Variants in PCDHA2 observed in about 807,000 individuals in gnomAD.
PCDHA2 encodes the protein protocadherin alpha 2.
A neutral mutation model predicts 66.0 loss-of-function variants in PCDHA2; 58 were observed. The observed-to-expected ratio is 0.88, with a 90% CI of 0.71 to 1.09. The LOEUF is 1.09. Ranked by LOEUF, PCDHA2 falls within the 50% of genes least tolerant of loss-of-function variation. The pLI is 0.00. For missense variants in PCDHA2, 1,267 were observed against 1,242.3 expected, an observed-to-expected ratio of 1.02 and a Z score of -0.30; for synonymous variants, 634 against 554.0, an observed-to-expected ratio of 1.14 and a Z score of -2.03.
Position 140,845,338 on chromosome 5 carries a change from C to T in PCDHA2, c.2388+47986C>T, listed in dbSNP as rs1446184837. Among the ~76,000 whole-genome samples the T allele has an allele frequency of 1.2e-4, 18 of 149,418 alleles. 2 individuals carry two copies. The highest frequency in any genetic ancestry group is 4.4e-4 in the African/African-American group (18 of 40,812). ...GTATTACTTTAATTACTGAATTCTCCTAAACATTTAATTGACTTTTACAAA... is the reference window on the plus strand; with the variant it reads ...GTATTACTTTAATTACTGAATTCTCTTAAACATTTAATTGACTTTTACAAA... On this transcript the variant is annotated intron_variant, in intron 1 of 3. Coordinates refer to ENST00000526136, the MANE Select transcript of PCDHA2 (RefSeq NM_018905.3).
chr5:140,984,945 C>CT (rs113297104), intron 3 of PCDHA2, among the ~76,000 whole-genome samples: 99 of 149,274 alleles, frequency 6.6e-4, no homozygotes, highest in Non-Finnish European at 1.1e-3. Context: ...AATGTCTAAT[C>CT]TTTTTTTTTT....
rs782103936 is a variant in PCDHA2 at position 140,808,598 on chromosome 5, G to A, written c.2388+11246G>A. 3.4e-5 allele frequency: 55 copies of A among 1,613,794 alleles called. No individual in the cohort carries two copies. In the East Asian group the frequency reaches 1.2e-3, roughly 35 times the overall value. ...GTTCGTGAAGGAGAACAACCCGCCGGGCTGCCACATCTTCACTGTGTCTGC... is the reference window on the plus strand; with the variant it reads ...GTTCGTGAAGGAGAACAACCCGCCGAGCTGCCACATCTTCACTGTGTCTGC... On this transcript the variant is annotated intron_variant, in intron 1 of 3. Coordinates refer to ENST00000526136, the MANE Select transcript of PCDHA2 (RefSeq NM_018905.3).
chr5:140,936,987 T>A (rs996790487), intron 1 of PCDHA2, among the ~76,000 whole-genome samples: 1 of 152,170 alleles, frequency 6.6e-6, no homozygotes, highest in Non-Finnish European at 1.5e-5. Flanking sequence ...CTTGTTAACA[T>A]TGACAATATT....
rs1012749061 is a variant in PCDHA2 at position 141,011,525 on chromosome 5, C to T, written c.*1588C>T. Reference sequence around the variant, plus strand: ...AAAAGTGGAGTAGTGTTTTTTTAACCATTGTTAATCAGCTTTTGTGTATGA... The same window carrying T: ...AAAAGTGGAGTAGTGTTTTTTTAACTATTGTTAATCAGCTTTTGTGTATGA... On this transcript the variant is annotated 3_prime_UTR_variant, in exon 4 of 4. Coordinates refer to ENST00000526136, the MANE Select transcript of PCDHA2 (RefSeq NM_018905.3). 11 of 153,568 alleles carry T rather than the reference C, an allele frequency of 7.2e-5. No individual in the cohort carries two copies. The Admixed American group carries it at 7.2e-4, about 10-fold the overall frequency. 9.5% of individuals were successfully genotyped at this position (153,568 alleles called of 1,614,324 possible).
At chr5:141,001,607 A>G (rs1554258244) in intron 3 of PCDHA2, among the ~76,000 whole-genome samples, 1 of 152,078 alleles carries the variant, frequency 6.6e-6, no homozygotes, top group African/African-American at 2.4e-5. Flanking sequence ...AGGTTTGCCC[A>G]ATTCATAAAG....
chr5:140,809,005 G>T, intron 1 of PCDHA2: 1 of 1,613,694 alleles, frequency 6.2e-7, no homozygotes, highest in Non-Finnish European at 8.5e-7. Flanking sequence ...ACAACGCGTG[G>T]CTTTCGTACG....
chr5:140,914,159 G>A (rs1193212496), intron 1 of PCDHA2, among the ~76,000 whole-genome samples: 3 of 152,088 alleles, frequency 2.0e-5, no homozygotes, highest in African/African-American at 4.8e-5. Flanking sequence ...TGTCCAATAC[G>A]GAAAGTGGGG....
Position 140,854,738 on chromosome 5 carries a change from G to A in PCDHA2, c.2388+57386G>A, listed in dbSNP as rs894422305. The A allele has an allele frequency of 8.7e-5, 13 of 149,392 alleles. 1 individual carries two copies. The East Asian group carries it at 2.5e-3, about 29-fold the overall frequency. 9.3% of individuals were successfully genotyped at this position (149,392 alleles called of 1,614,324 possible). On this transcript the variant is annotated intron_variant, in intron 1 of 3. Coordinates refer to ENST00000526136, the MANE Select transcript of PCDHA2 (RefSeq NM_018905.3). ...CAGAAAACTCAAGTTTTTTTCAGCA[G>A]CACAGATATATTACATTTTCATTCC...
At chr5:140,934,100 T>C (rs554832439) in intron 1 of PCDHA2, among the ~76,000 whole-genome samples, 3 of 152,280 alleles carry the variant, frequency 2.0e-5, no homozygotes, top group Non-Finnish European at 4.4e-5. Context: ...GTTTGCTTTC[T>C]ATTTTATTAA....
At chr5:140,951,560 C>T (rs2094602519) in intron 1 of PCDHA2, among the ~76,000 whole-genome samples, 1 of 151,998 alleles carries the variant, frequency 6.6e-6, no homozygotes. Flanking sequence ...AAGTGCTACG[C>T]ACTTTTAAAC....
At chr5:140,917,330 A>G (rs155802) in intron 1 of PCDHA2, among the ~76,000 whole-genome samples, 15,235 of 96,446 alleles carry the variant, frequency 0.16, 1,247 homozygotes, top group East Asian at 0.38. Context: ...GTGGCGGGGG[A>G]GGGGGGGGAT....
At position 140,795,185 on chromosome 5, in the gene PCDHA2, T is replaced by C. The variant is rs1761929277; in HGVS notation, c.221T>C (p.Leu74Pro). ...GTGGCGTCCAAAAGACACGGGGACC[T>C]TCTGGAGGTAAATCTGCAGAATGGC... ...FRVASKRHGDLLEVNLQNGIL... is the reference protein window; with the variant it reads ...FRVASKRHGDPLEVNLQNGIL... Residue 74 changes from leucine (L) to proline (P), a missense_variant, in exon 1 of 4, where the codon CTT (leucine) becomes CCT (proline). Transcript: ENST00000526136. 1.9e-6 allele frequency: 3 copies of C among 1,613,966 alleles called. No individual in the cohort carries two copies. The highest frequency in any genetic ancestry group is 2.5e-6 in the Non-Finnish European group (3 of 1,180,034).
chr5:140,823,811 C>A (rs1554129612), intron 1 of PCDHA2: 2 of 1,613,820 alleles, frequency 1.2e-6, no homozygotes, highest in Middle Eastern at 1.7e-4. Flanking sequence ...AAGGCCTCAT[C>A]GCGGGCGTCG....
At chr5:140,802,812 G>A in intron 1 of PCDHA2, 2 of 1,613,522 alleles carry the variant, frequency 1.2e-6, no homozygotes, top group East Asian at 2.2e-5. Context: ...GAGTGCGCGC[G>A]ATGCGGGCGT....
intron 1 of PCDHA2, among the ~76,000 whole-genome samples, chr5:140,901,408 T>A (rs2068650771): frequency 6.6e-6 from 1 of 152,190 alleles, no homozygotes; most frequent in African/African-American, 2.4e-5. Flanking sequence ...GAGATAGGGG[T>A]CTAGTTTCAT....
chr5:140,845,835 C>T (rs917105315), intron 1 of PCDHA2, among the ~76,000 whole-genome samples: 3 of 149,588 alleles, frequency 2.0e-5, no homozygotes, highest in Non-Finnish European at 4.5e-5. Flanking sequence ...TATTACCATT[C>T]TTAAGAGAAA....
At chr5:140,829,291 CT>C in intron 1 of PCDHA2, 1 of 1,614,248 alleles carries the variant, frequency 6.2e-7, no homozygotes, top group Non-Finnish European at 8.5e-7. Context: ...TGGTGTCCAC[CT>C]TCAAGAATTA....
chr5:140,870,732 T>G (rs782731773), intron 1 of PCDHA2: 27 of 1,613,288 alleles, frequency 1.7e-5, no homozygotes, highest in African/African-American at 2.7e-5. Flanking sequence ...GCGTGCCGCC[T>G]CTGAGCAGCA....
chr5:140,829,196 A>G, intron 1 of PCDHA2: 1 of 1,614,216 alleles, frequency 6.2e-7, no homozygotes, highest in Non-Finnish European at 8.5e-7. Context: ...TGGTACTGTC[A>G]TCGCCCTAAT....
Sources: allele counts gnomAD v4.1 joint callset (sites outside exome capture counted in the v4.1 genomes callset), GRCh38; gene constraint gnomAD v4.1.1; transcripts MANE v1.5; gene names NCBI Gene and HGNC (gene_info 2026-07-23, HGNC 2026-07-21).